AP1S3: variants seen among roughly 807,000 people sequenced by gnomAD.
AP1S3 encodes the protein adaptor related protein complex 1 subunit sigma 3, also known as AP-1 complex subunit sigma-3.
A neutral mutation model predicts 20.9 loss-of-function variants in AP1S3; 10 were observed. That is an observed-to-expected ratio of 0.48 (90% CI 0.29 to 0.81). AP1S3 has a LOEUF of 0.81. Among genes scored for constraint, AP1S3 ranks in the 30% least tolerant of loss-of-function variants. The pLI is 0.08. For synonymous variants in AP1S3, 41 were observed against 61.5 expected, an observed-to-expected ratio of 0.67 and a Z score of 1.56; for missense variants, 154 against 183.8, an observed-to-expected ratio of 0.84 and a Z score of 0.94.
Position 223,770,211 on chromosome 2 carries a change from G to A in AP1S3, c.292-4861C>T, listed in dbSNP as rs186417972. 1.8e-3 allele frequency: 2,741 copies of A among 1,550,816 alleles called. 8 individuals are homozygous for A. Among genetic ancestry groups the A allele is most frequent in the Admixed American group, 2.5e-3 (128 of 50,994 alleles). On this transcript the variant is annotated intron_variant, in intron 3 of 4. Transcript: ENST00000396654. ...AAAGCAGTTACCAGAGGTCAGAAAA[G>A]GCAGAAGTCAGGAGTTATAGTAGCA...
Position 223,756,940 on chromosome 2 carries a change from C to T in AP1S3, c.*1775G>A. On this transcript the variant is annotated 3_prime_UTR_variant, in exon 5 of 5. Coordinates refer to ENST00000396654, the MANE Select transcript of AP1S3 (RefSeq NM_001039569.2). ...TAACATTGAAAATGCACAGGTAAAA[C>T]ATCAAATAGCAGGCAGCAAGACAGA... 1 of 984,678 alleles carries T rather than the reference C, an allele frequency of 1.0e-6. No individual in the cohort carries two copies. 61.0% of individuals were successfully genotyped at this position (984,678 alleles called of 1,614,324 possible). A position where few individuals can be genotyped will look rare whatever the true frequency, so the allele number is the denominator to read the frequency against.
intron 1 of AP1S3, among the ~76,000 whole-genome samples, chr2:223,787,958 C>T (rs1450117718): frequency 6.7e-6 from 1 of 149,732 alleles, no homozygotes; most frequent in Non-Finnish European, 1.5e-5. Context: ...AATGTAAATG[C>T]CACAGTTCTT....
intron 1 of AP1S3, among the ~76,000 whole-genome samples, chr2:223,817,642 G>A (rs533176246): frequency 6.6e-6 from 1 of 151,002 alleles, no homozygotes; most frequent in South Asian, 2.1e-4. Flanking sequence ...AAACTATTTG[G>A]AAGAGTTTGG....
At chr2:223,818,861 C>T (rs1337180857) in intron 1 of AP1S3, among the ~76,000 whole-genome samples, 1 of 152,110 alleles carries the variant, frequency 6.6e-6, no homozygotes, top group Non-Finnish European at 1.5e-5. Context: ...GCCAAATTTT[C>T]AAAGTTGTTC....
Position 223,810,737 on chromosome 2 carries a change from T to C in AP1S3, c.3+26711A>G, listed in dbSNP as rs541559755. ...TAAATGCAAAGATGTGCTGTCCCAC[T>C]TCAAAAAAAAAATACTATGCAGAAA... is the stretch of plus-strand genomic sequence containing the variant. On this transcript the variant is annotated intron_variant, in intron 1 of 4. Coordinates refer to ENST00000396654, the MANE Select transcript of AP1S3 (RefSeq NM_001039569.2). Among the ~76,000 whole-genome samples the C allele has an allele frequency of 3.5e-3, 285 of 82,038 alleles. No homozygotes were observed. The African/African-American group carries it at 0.036, about 10-fold the overall frequency. The allele number at this position is 82,038 out of a possible 152,430, so 53.8% of individuals were successfully genotyped here.
intron 1 of AP1S3, among the ~76,000 whole-genome samples, chr2:223,781,439 C>G (rs879299630): frequency 6.6e-6 from 1 of 151,514 alleles, no homozygotes; most frequent in Non-Finnish European, 1.5e-5. Context: ...CAGGTATAAA[C>G]AATTCAATAA....
chr2:223,796,649 G>A (rs926927854), intron 1 of AP1S3, among the ~76,000 whole-genome samples: 1 of 152,056 alleles, frequency 6.6e-6, no homozygotes, highest in Non-Finnish European at 1.5e-5. Context: ...ACTTATGGGT[G>A]TGTATTCTTC....
At chr2:223,799,208 GACACACACACACACACACACACAC>G (rs10527751) in intron 1 of AP1S3, among the ~76,000 whole-genome samples, 1 of 145,896 alleles carries the variant, frequency 6.9e-6, no homozygotes, top group African/African-American at 2.5e-5. Flanking sequence ...TTCGGGCCTA[GACACACACACACACACACACACAC>G]ACACACACAC....
At chr2:223,771,916 G>C (rs548765142) in intron 3 of AP1S3, among the ~76,000 whole-genome samples, 1 of 152,272 alleles carries the variant, frequency 6.6e-6, no homozygotes, top group South Asian at 2.1e-4. Context: ...AGACCAGCCT[G>C]GCCAACATGG....
At chr2:223,829,328 T>C (rs11897973) in intron 1 of AP1S3, among the ~76,000 whole-genome samples, 48,955 of 152,052 alleles carry the variant, frequency 0.32, 8,316 homozygotes, top group Middle Eastern at 0.42. Flanking sequence ...AATAAAGTTT[T>C]ATTAAAACAC....
chr2:223,788,745 C>T (rs1464862599), intron 1 of AP1S3, among the ~76,000 whole-genome samples: 3 of 130,256 alleles, frequency 2.3e-5, no homozygotes, highest in Admixed American at 8.5e-5. Context: ...GCCTGGGTGA[C>T]AGAGCAAGAC....
chr2:223,825,413 C>T (rs1692106207), intron 1 of AP1S3, among the ~76,000 whole-genome samples: 1 of 152,136 alleles, frequency 6.6e-6, no homozygotes, highest in African/African-American at 2.4e-5. Context: ...CTTTATTCTA[C>T]TCACTGACCC....
intron 1 of AP1S3, among the ~76,000 whole-genome samples, chr2:223,798,074 T>C (rs747190410): frequency 1.3e-5 from 2 of 152,228 alleles, no homozygotes; most frequent in Admixed American, 6.5e-5. Context: ...CTCATTTACA[T>C]ATATACATCA....
At chr2:223,820,937 C>T (rs549279590) in intron 1 of AP1S3, among the ~76,000 whole-genome samples, 21 of 152,222 alleles carry the variant, frequency 1.4e-4, no homozygotes, top group Middle Eastern at 3.4e-3. Context: ...GCCTGAAATA[C>T]ACTTCTCACT....
intron 2 of AP1S3, 126 bp from the exon 3 acceptor site, chr2:223,776,135 T>C (rs1283770748): frequency 1.4e-6 from 1 of 734,500 alleles, no homozygotes; most frequent in Non-Finnish European, 2.5e-6. Context: ...AATGAAATCA[T>C]TATTCATCAC....
At chr2:223,826,518 G>A (rs577902121) in intron 1 of AP1S3, among the ~76,000 whole-genome samples, 7 of 152,218 alleles carry the variant, frequency 4.6e-5, no homozygotes, top group South Asian at 4.2e-4. Context: ...GCTTGAACCC[G>A]GGAGGCAGGG....
At chr2:223,813,742 TC>T (rs1691784478) in intron 1 of AP1S3, among the ~76,000 whole-genome samples, 1 of 152,124 alleles carries the variant, frequency 6.6e-6, no homozygotes, top group South Asian at 2.1e-4. Context: ...CAAATCATCC[TC>T]AGAATAGAAG....
chr2:223,810,233 T>G (rs1255382230), intron 1 of AP1S3, among the ~76,000 whole-genome samples: 2 of 152,082 alleles, frequency 1.3e-5, no homozygotes, highest in Non-Finnish European at 2.9e-5. Context: ...CCAGTGAAAA[T>G]TTAGACTAAG....
At chr2:223,767,682 T>A (rs571945916) in intron 3 of AP1S3, among the ~76,000 whole-genome samples, 1 of 152,122 alleles carries the variant, frequency 6.6e-6, no homozygotes, top group East Asian at 1.9e-4. Context: ...ACCCACTAAC[T>A]AGACATCTTT....
Sources: allele counts gnomAD v4.1 joint callset (sites outside exome capture counted in the v4.1 genomes callset), GRCh38; gene constraint gnomAD v4.1.1; transcripts MANE v1.5; gene names NCBI Gene and HGNC (gene_info 2026-07-23, HGNC 2026-07-21).